The following RTN4 variants were observed in gnomAD, a reference collection of about 807,000 sequenced individuals.
The protein encoded by RTN4 is reticulon-4.
RTN4 carries 32 observed loss-of-function variants against 90.4 expected under a neutral mutation model. That is an observed-to-expected ratio of 0.35 (90% CI 0.27 to 0.48). RTN4 has a LOEUF of 0.48. RTN4 is among the 20% of genes least tolerant of loss of function. RTN4 has a pLI of 0.99. For synonymous variants in RTN4, 629 were observed against 552.5 expected, an observed-to-expected ratio of 1.14 and a Z score of -1.94; for missense variants, 1,706 against 1,430.2, an observed-to-expected ratio of 1.19 and a Z score of -3.11.
intron 3 of RTN4, among the ~76,000 whole-genome samples, chr2:55,010,659 GA>G (rs1259993152): frequency 3.3e-5 from 5 of 152,140 alleles, no homozygotes; most frequent in African/African-American, 1.2e-4. Context: ...TCAAGCTTGT[GA>G]AATGATGAGT....
intron 2 of RTN4, 78 bp from the exon 3 acceptor site, chr2:55,027,563 A>C: frequency 7.0e-7 from 1 of 1,432,694 alleles, no homozygotes; most frequent in Non-Finnish European, 9.4e-7. Context: ...ACAGATCCAA[A>C]ATAGTGTTAG....
intron 1 of RTN4, chr2:55,046,948 A>T (rs1427259386): frequency 6.6e-6 from 1 of 152,158 alleles, no homozygotes; most frequent in African/African-American, 2.4e-5. Flanking sequence ...GAGTGCTGTC[A>T]CCCCCTGAAT....
At chr2:55,049,704 G>C (rs932707372) in intron 1 of RTN4, 41 bp downstream of exon 1, 8 of 1,418,528 alleles carry the variant, frequency 5.6e-6, no homozygotes, top group Non-Finnish European at 7.4e-6. Flanking sequence ...AAGAGGGAGG[G>C]GCGCGAGGGG....
chr2:55,040,409 T>C (rs2972097), intron 1 of RTN4, among the ~76,000 whole-genome samples: 58,715 of 151,758 alleles, frequency 0.39, 11,465 homozygotes, highest in East Asian at 0.62. Flanking sequence ...TTTTCTGAGA[T>C]CAAAACCTCT....
At chr2:54,978,068 G>A (rs1677790411) in intron 5 of RTN4, among the ~76,000 whole-genome samples, 1 of 152,194 alleles carries the variant, frequency 6.6e-6, no homozygotes, top group African/African-American at 2.4e-5. Context: ...CAAGGAAAAG[G>A]TTTCACATGC....
At chr2:55,126,529 G>C in the RTN4 span, among the ~76,000 whole-genome samples, 1 of 152,202 alleles carries the variant, frequency 6.6e-6, no homozygotes, top group East Asian at 1.9e-4. Context: ...AAAACTAACA[G>C]ATGCTGGTGA....
At chr2:55,033,802 A>AT in intron 1 of RTN4, among the ~76,000 whole-genome samples, 2 of 152,316 alleles carry the variant, frequency 1.3e-5, no homozygotes, top group African/African-American at 4.8e-5. Flanking sequence ...ATATTTTGAT[A>AT]CCTATATGCA....
At chr2:55,117,688 T>A in the RTN4 span, among the ~76,000 whole-genome samples, 1 of 152,124 alleles carries the variant, frequency 6.6e-6, no homozygotes, top group South Asian at 2.1e-4. Context: ...CACAAAGAAG[T>A]ATGCACTTCA....
intron 1 of RTN4, among the ~76,000 whole-genome samples, chr2:55,097,572 G>C (rs1039514482): frequency 1.3e-5 from 2 of 152,134 alleles, no homozygotes; most frequent in Non-Finnish European, 2.9e-5. Flanking sequence ...GGGGGAAGGA[G>C]GAGGGGCAGC....
At chr2:54,973,931 A>G (rs769988914) in intron 6 of RTN4, 64 bp from the exon 7 acceptor site, 2 of 1,386,546 alleles carry the variant, frequency 1.4e-6, no homozygotes, top group African/African-American at 1.4e-5. Flanking sequence ...TAAACACTCA[A>G]AAAACTATTA....
chr2:55,137,009 G>A, the RTN4 span, among the ~76,000 whole-genome samples: 6 of 152,148 alleles, frequency 3.9e-5, no homozygotes, highest in African/African-American at 9.7e-5. Context: ...GGAGAGAGAC[G>A]CATAAACCAT....
chr2:55,131,372 C>G, the RTN4 span, among the ~76,000 whole-genome samples: 8 of 151,294 alleles, frequency 5.3e-5, no homozygotes. Context: ...CCATACCCAG[C>G]TAATTTTTGT....
chr2:55,067,021 T>A (rs1668405699), intron 2 of RTN4, among the ~76,000 whole-genome samples: 1 of 152,202 alleles, frequency 6.6e-6, no homozygotes, highest in African/African-American at 2.4e-5. Context: ...AGTACAGTAA[T>A]TTAATAAACC....
At chr2:55,023,370 C>T (rs943678499) in intron 3 of RTN4, among the ~76,000 whole-genome samples, 3 of 152,166 alleles carry the variant, frequency 2.0e-5, no homozygotes, top group African/African-American at 7.2e-5. Flanking sequence ...ATCTCTTCCA[C>T]CCAAGCATGA....
At chr2:54,984,306 A>G (rs554326700) in intron 4 of RTN4, among the ~76,000 whole-genome samples, 1 of 152,368 alleles carries the variant, frequency 6.6e-6, no homozygotes, top group East Asian at 1.9e-4. Context: ...CTACTAGAGT[A>G]TAAGCTGTTA....
the RTN4 span, among the ~76,000 whole-genome samples, chr2:55,119,667 G>A: frequency 6.6e-6 from 1 of 152,070 alleles, no homozygotes. Context: ...GTATTACAGG[G>A]GGCAAAAAAG....
At chr2:55,093,601 C>G (rs1668979048) in intron 1 of RTN4, among the ~76,000 whole-genome samples, 1 of 152,078 alleles carries the variant, frequency 6.6e-6, no homozygotes, top group East Asian at 1.9e-4. Flanking sequence ...TGCATCTTTC[C>G]TGAGATCTGG....
chr2:55,117,626 G>A, the RTN4 span, among the ~76,000 whole-genome samples: 1 of 152,240 alleles, frequency 6.6e-6, no homozygotes, highest in African/African-American at 2.4e-5. Context: ...AACAATTGCT[G>A]TGTTAAAAGC....
At chr2:55,041,441 C>G (rs73936813) in intron 1 of RTN4, among the ~76,000 whole-genome samples, 8,611 of 151,708 alleles carry the variant, frequency 0.057, 417 homozygotes, top group African/African-American at 0.12. Flanking sequence ...ATAAGATAGC[C>G]AAGAAAAATA....
Sources: gnomAD v4.1 joint callset for allele counts (sites outside exome capture counted in the v4.1 genomes callset) on GRCh38, gnomAD v4.1.1 for gene constraint, MANE v1.5 for transcripts, NCBI Gene and HGNC (gene_info 2026-07-23, HGNC 2026-07-21) for gene names.